Variants in CDHR2 observed in about 807,000 individuals in gnomAD.
The protein encoded by CDHR2 is cadherin related family member 2.
In CDHR2, 104 loss-of-function variants were observed where a neutral mutation model predicts 138.6. The observed-to-expected ratio is 0.75, with a 90% CI of 0.64 to 0.88. The LOEUF (loss-of-function observed/expected upper bound fraction) is 0.88. Ranked by LOEUF, CDHR2 falls within the 40% of genes least tolerant of loss-of-function variation. The pLI, the probability that CDHR2 is intolerant of heterozygous loss-of-function variation, is 0.00. For missense variants in CDHR2, 1,624 were observed against 1,727.6 expected, an observed-to-expected ratio of 0.94 and a Z score of 1.06; for synonymous variants, 755 against 742.8, an observed-to-expected ratio of 1.02 and a Z score of -0.27.
chr5:176,584,043 C>A, intron 17 of CDHR2, 147 bp from the exon 18 acceptor site: 2 of 706,520 alleles, frequency 2.8e-6, no homozygotes, highest in Non-Finnish European at 5.0e-6. Flanking sequence ...CCTCTCAGAG[C>A]CTGTCTCCTC....
intron 1 of CDHR2, among the ~76,000 whole-genome samples, chr5:176,550,622 C>T (rs1269676122): frequency 6.6e-6 from 1 of 152,256 alleles, no homozygotes; most frequent in African/African-American, 2.4e-5. Flanking sequence ...TGCTTGGGAA[C>T]AGCTGTGAGA....
rs762708653 is a variant in CDHR2, at chr5:176,575,310, A to G, written c.652A>G (p.Thr218Ala). The G allele has an allele frequency of 6.2e-7, 1 of 1,613,922 alleles. No homozygotes were observed. Among genetic ancestry groups the G allele is most frequent in the Non-Finnish European group, 8.5e-7 (1 of 1,179,988 alleles). ...DLGGMYHNTF[T>A]IQCSLPVFLS... ...GGGCGGCATGTACCACAACACCTTC[A>G]CCATCCAGTGCTCCCTGCCTGTCTT... Residue 218 changes from threonine (T) to alanine (A), a missense_variant, in exon 9 of 32, where the codon ACC becomes GCC. By Grantham distance (58) the Thr-to-Ala change is moderately conservative (BLOSUM62 0). Coordinates refer to ENST00000261944, the MANE Select transcript of CDHR2 (RefSeq NM_017675.6).
At chr5:176,560,512 G>T (rs528604085) in intron 1 of CDHR2, among the ~76,000 whole-genome samples, 25 of 152,252 alleles carry the variant, frequency 1.6e-4, no homozygotes, top group Admixed American at 7.2e-4. Flanking sequence ...AAGATCTGTG[G>T]TCATGTTTGT....
intron 1 of CDHR2, among the ~76,000 whole-genome samples, chr5:176,557,712 T>TCCTTCCTTCCTTCCTTCCTTCCTTCC (rs1561866775): frequency 8.2e-5 from 12 of 146,136 alleles, no homozygotes; most frequent in African/African-American, 2.9e-4. Context: ...CTTTCTTTCT[T>TCCTTCCTTCCTTCCTTCCTTCCTTCC]TTTTTTTTAT....
intron 1 of CDHR2, among the ~76,000 whole-genome samples, chr5:176,558,435 G>A (rs1407011419): frequency 1.4e-5 from 2 of 146,336 alleles, no homozygotes; most frequent in Non-Finnish European, 1.5e-5. Context: ...CCAGGCTGGA[G>A]TGCGATGGTG....
At chr5:176,571,961 C>T (rs1758245564) in intron 6 of CDHR2, among the ~76,000 whole-genome samples, 1 of 152,114 alleles carries the variant, frequency 6.6e-6, no homozygotes. Context: ...ATCATATCTT[C>T]AGGCATGGCT....
chr5:176,590,435 A>G lies in CDHR2; in HGVS notation c.3364A>G (p.Asn1122Asp). ...TLDELSVMIR[N>D]DQDSLTQLLQ... The stretch of plus-strand genomic sequence containing the variant: ...GAGTTCTGTGGCCAGGATGATCCGG[A>G]ATGATCAGGACTCGCTGACGCAGCT... Residue 1122 changes from asparagine (N) to aspartate (D), a missense_variant, in exon 27 of 32, where the codon AAT (asparagine) becomes GAT (aspartate). This residue lies in a region of CDHR2 where 556 missense variants were observed against 565.7 expected (regional missense o/e 0.98). Coordinates refer to ENST00000261944, the MANE Select transcript of CDHR2 (RefSeq NM_017675.6). The G allele has an allele frequency of 1.2e-6, 2 of 1,613,952 alleles. No individual in the cohort carries two copies. Among genetic ancestry groups the G allele is most frequent in the Non-Finnish European group, 1.7e-6 (2 of 1,179,942 alleles).
At chr5:176,591,692 A>G (rs532418491) in intron 30 of CDHR2, 2 of 566,176 alleles carry the variant, frequency 3.5e-6, no homozygotes, top group South Asian at 1.9e-5. Flanking sequence ...GACAACAATG[A>G]TGGTGGTGAT....
intron 5 of CDHR2, among the ~76,000 whole-genome samples, chr5:176,570,055 C>T (rs1350496749): frequency 6.6e-6 from 1 of 152,128 alleles, no homozygotes; most frequent in African/African-American, 2.4e-5. Flanking sequence ...TATGCTTTGA[C>T]ACTTCTCAGC....
rs1342680591 is a variant in CDHR2 at position 176,584,499 on chromosome 5, A to C, written c.2218A>C (p.Asn740His). 3.1e-6 allele frequency: 5 copies of C among 1,613,442 alleles called. No homozygotes were observed. Among genetic ancestry groups the C allele is most frequent in the Non-Finnish European group, 4.2e-6 (5 of 1,179,712 alleles). ...ISFSLSGSGA[N>H]YFMIRGLVLG... is the part of the protein sequence containing the mutation. ...CTTCAGCCTGTCGGGGAGTGGTGCC[A>C]ACTACTTCATGATCCGAGGCTTGGT... The change falls in exon 19 of 32, where the codon AAC becomes CAC. Residue 740 changes from asparagine to histidine, a missense_variant. By Grantham distance (68) the Asn-to-His change is moderately conservative (BLOSUM62 1). Transcript: ENST00000261944.
intron 18 of CDHR2, 46 bp from the exon 19 acceptor site, chr5:176,584,364 G>A (rs376048824): frequency 1.1e-5 from 18 of 1,609,216 alleles, no homozygotes; most frequent in Middle Eastern, 3.3e-4. Context: ...GGAGGCTTCC[G>A]ATGGCGGGGT....
Position 176,578,352 on chromosome 5 carries a change from C to G in CDHR2, c.1575-13C>G, listed in dbSNP as rs1758449674. On this transcript the variant is annotated splice_polypyrimidine_tract_variant and intron_variant, in intron 15 of 31. Transcript: ENST00000261944. ...CTGTGTCTCTATTTGCTGAACCTGGCCCCTCTGAGCAGGGCAGACCTCTTC... is the reference window on the plus strand; with the variant it reads ...CTGTGTCTCTATTTGCTGAACCTGGGCCCTCTGAGCAGGGCAGACCTCTTC... The G allele has an allele frequency of 1.2e-6, 2 of 1,606,318 alleles. No homozygotes were observed. The highest frequency in any genetic ancestry group is 1.7e-6 in the Non-Finnish European group (2 of 1,176,194).
intron 20 of CDHR2, 35 bp downstream of exon 20, chr5:176,586,060 G>A (rs761517748): frequency 2.0e-5 from 31 of 1,570,032 alleles, no homozygotes; most frequent in African/African-American, 8.1e-5. Flanking sequence ...CCATACCCCT[G>A]CTCCATAAGG....
chr5:176,589,161 A>T lies in CDHR2; in HGVS notation c.2987A>T (p.Asp996Val). Residue 996 changes from aspartate (D) to valine (V), a missense_variant, in exon 22 of 32, where the codon GAC (aspartate) becomes GTC (valine). Coordinates refer to ENST00000261944, the MANE Select transcript of CDHR2 (RefSeq NM_017675.6). ...VFSIFTSSEA[D>V]VFAGSIQPVT... ...TCGATCTTCACCTCCTCCGAGGCCGACGTGTTCGCTGGGAGCATTCAGTAA... is the reference window on the plus strand; with the variant it reads ...TCGATCTTCACCTCCTCCGAGGCCGTCGTGTTCGCTGGGAGCATTCAGTAA... 6.2e-7 allele frequency: 1 copy of T among 1,614,040 alleles called. No individual in the cohort carries two copies. The highest frequency in any genetic ancestry group is 8.5e-7 in the Non-Finnish European group (1 of 1,179,970).
chr5:176,595,953 G>T (rs529470194), downstream of CDHR2: 25 of 313,148 alleles, frequency 8.0e-5, no homozygotes, highest in African/African-American at 5.1e-4. Context: ...GCCTTTAAAA[G>T]ACAACTGTGG....
At chr5:176,594,842 T>G (rs894430126) in intron 31 of CDHR2, among the ~76,000 whole-genome samples, 7 of 151,170 alleles carry the variant, frequency 4.6e-5, no homozygotes, top group African/African-American at 9.7e-5. Context: ...CACAGGAGGG[T>G]GTGTGTGTGT....
At chr5:176,571,580 A>G (rs1170538338) in intron 6 of CDHR2, among the ~76,000 whole-genome samples, 2 of 151,488 alleles carry the variant, frequency 1.3e-5, no homozygotes, top group African/African-American at 4.9e-5. Context: ...TCTGTTGCCC[A>G]GGCTGGAGTG....
At position 176,595,745 on chromosome 5, in the gene CDHR2, TGAAAATATATGACG is replaced by T. The variant is rs1330019801; in HGVS notation, c.*74_*87del. 7.4e-7 allele frequency: 1 copy of T among 1,358,330 alleles called. No individual in the cohort carries two copies. The highest frequency in any genetic ancestry group is 9.8e-7 in the Non-Finnish European group (1 of 1,023,080). The allele number at this position is 1,358,330 out of a possible 1,614,324, so 84.1% of individuals were successfully genotyped here. On this transcript the variant is annotated 3_prime_UTR_variant, in exon 32 of 32. Transcript: ENST00000261944. ...CTAACTGCACCTGTCTCCCTGGAGA[TGAAAATATATGACG>T]CTGCCCTGCCTCCTGCTTTTGGCCA...
At chr5:176,580,215 A>T (rs565567155) in intron 16 of CDHR2, among the ~76,000 whole-genome samples, 1 of 152,168 alleles carries the variant, frequency 6.6e-6, no homozygotes, top group African/African-American at 2.4e-5. Context: ...AAGTGAGTGA[A>T]GAATCAGCTA....
Sources: allele counts gnomAD v4.1 joint callset (sites outside exome capture counted in the v4.1 genomes callset), GRCh38; gene constraint gnomAD v4.1.1; regional missense constraint gnomAD v4.1.1; transcripts MANE v1.5; gene names NCBI Gene and HGNC (gene_info 2026-07-23, HGNC 2026-07-21).